The following TUT7 variants were observed in gnomAD, a reference collection of about 807,000 sequenced individuals.
TUT7 encodes terminal uridylyl transferase 7, also known as terminal uridylyltransferase 7.
Under a neutral mutation model 165.9 loss-of-function variants are expected in TUT7, and 33 were observed. That is an observed-to-expected ratio of 0.20 (90% CI 0.15 to 0.27). TUT7 has a LOEUF of 0.27. TUT7 is among the 10% of genes least tolerant of loss of function. The pLI, the probability that TUT7 is intolerant of heterozygous loss-of-function variation, is 1.00. For missense variants in TUT7, 1,338 were observed against 1,762.3 expected (o/e 0.76, Z 4.31); for synonymous variants, 552 against 608.1 (o/e 0.91, Z 1.36).
chr9:86,341,095 G>T, intron 6 of TUT7, 42 bp from the exon 7 acceptor site: 1 of 1,561,950 alleles, frequency 6.4e-7, no homozygotes, highest in Non-Finnish European at 8.8e-7. Flanking sequence ...ATTCCTAAGT[G>T]ATTTTGCTTC....
At chr9:86,293,433 G>A (rs1826044950) in intron 26 of TUT7, among the ~76,000 whole-genome samples, 1 of 152,072 alleles carries the variant, frequency 6.6e-6, no homozygotes, top group South Asian at 2.1e-4. Flanking sequence ...GCGACAGTGA[G>A]ACCCTGTCAA....
chr9:86,337,563 A>G (rs753243971), intron 9 of TUT7, 25 bp from the exon 10 acceptor site: 1 of 1,583,990 alleles, frequency 6.3e-7, no homozygotes, highest in Non-Finnish European at 8.6e-7. Context: ...AAAGAAAGTT[A>G]AGCATTCTTT....
chr9:86,344,854 T>C lies in TUT7; in HGVS notation c.997+123A>G, dbSNP rs144836198. ...CCAGGGAAAACAAAAAACAAAAAAA[T>C]AGAAAACACAAGAGCTTCATGACAT... On this transcript the variant is annotated intron_variant, in intron 5 of 26. Transcript: ENST00000375963. 28 of 993,342 alleles carry C rather than the reference T, an allele frequency of 2.8e-5. No individual in the cohort carries two copies. In the East Asian group the frequency reaches 5.1e-4, roughly 18 times the overall value. The allele number at this position is 993,342 out of a possible 1,614,324, so 61.5% of individuals were successfully genotyped here.
chr9:86,309,750 G>A (rs1233448050), intron 19 of TUT7, among the ~76,000 whole-genome samples, 174 bp from the exon 20 acceptor site: 2 of 152,226 alleles, frequency 1.3e-5, no homozygotes, highest in Non-Finnish European at 2.9e-5. Flanking sequence ...CTACGTGCAA[G>A]ATCAGGTCAT....
intron 11 of TUT7, among the ~76,000 whole-genome samples, chr9:86,326,028 T>C (rs1368471462): frequency 6.6e-6 from 1 of 152,228 alleles, no homozygotes; most frequent in Admixed American, 6.5e-5. Context: ...ACTCTTGCCA[T>C]CAGAAATTGA....
At position 86,327,127 on chromosome 9, in the gene TUT7, G is replaced by C. The variant is rs1411903961; in HGVS notation, c.1608+1213C>G. 2.0e-5 allele frequency among the ~76,000 whole-genome samples: 3 copies of C among 152,148 alleles called. No individual in the cohort carries two copies. In the East Asian group the frequency reaches 5.8e-4, roughly 29 times the overall value. ...GTCTAAGTCCCAAACACTACAGTTT[G>C]AGGACACAAATAAACCCCCCAGAAA... On this transcript the variant is annotated intron_variant, in intron 11 of 26. Transcript: ENST00000375963.
chr9:86,294,209 T>C (rs1332659163), intron 26 of TUT7, among the ~76,000 whole-genome samples: 1 of 148,926 alleles, frequency 6.7e-6, no homozygotes, highest in African/African-American at 2.5e-5. Flanking sequence ...ATTATTTATC[T>C]ACTTTACAAA....
At chr9:86,320,585 T>C (rs892645503) in intron 14 of TUT7, among the ~76,000 whole-genome samples, 1 of 152,234 alleles carries the variant, frequency 6.6e-6, no homozygotes, top group Non-Finnish European at 1.5e-5. Context: ...AGGGAGTGTG[T>C]AGTGTTATTC....
Position 86,308,530 on chromosome 9 carries a change from G to A in TUT7, c.3737C>T (p.Thr1246Ile), listed in dbSNP as rs1237388155. ...QLWLGLLRFY[T>I]EEFDFKEHVI... ...ATGTTCTTTAAAATCAAATTCCTCTGTGTAGAAACGAAGAAGGCCCAACCA... is the reference window on the plus strand; with the variant it reads ...ATGTTCTTTAAAATCAAATTCCTCTATGTAGAAACGAAGAAGGCCCAACCA... The change falls in exon 22 of 27, where the codon ACA (threonine) becomes ATA (isoleucine). Residue 1246 changes from threonine to isoleucine, a missense_variant. Thr to Ile is a moderately conservative substitution (Grantham distance 89). Transcript: ENST00000375963. The A allele has an allele frequency of 6.2e-7, 1 of 1,614,022 alleles. No homozygotes were observed.
At chr9:86,331,438 T>C (rs958163559) in intron 10 of TUT7, among the ~76,000 whole-genome samples, 2 of 152,214 alleles carry the variant, frequency 1.3e-5, no homozygotes, top group African/African-American at 4.8e-5. Context: ...CAGGTGTCAA[T>C]TGATGAAGGC....
At position 86,352,719 on chromosome 9, in the gene TUT7, T is replaced by A. The variant is rs142341283; in HGVS notation, c.481A>T (p.Ser161Cys). ...TCCATTTCTGACGTGGTTTCTAGGCTTGTTAGGTCTTTATGAAACAGTCGT... is the reference window on the plus strand; with the variant it reads ...TCCATTTCTGACGTGGTTTCTAGGCATGTTAGGTCTTTATGAAACAGTCGT... ...VRRLFHKDLT[S>C]LETTSEMEAG... The change falls in exon 2 of 27, where the codon AGC becomes TGC. Residue 161 changes from serine (S) to cysteine (C), a missense_variant. This residue lies in a region of TUT7 where 434 missense variants were observed against 480.8 expected (regional missense o/e 0.90). Transcript: ENST00000375963. The A allele has an allele frequency of 1.2e-5, 19 of 1,614,242 alleles. No homozygotes were observed. Among genetic ancestry groups the A allele is most frequent in the Admixed American group, 1.7e-5 (1 of 60,032 alleles).
intron 5 of TUT7, among the ~76,000 whole-genome samples, chr9:86,344,665 G>A (rs1288959083): frequency 6.7e-6 from 1 of 149,492 alleles, no homozygotes; most frequent in African/African-American, 2.5e-5. Flanking sequence ...AAAATATGGT[G>A]TCAATTTAGA....
At position 86,323,645 on chromosome 9, in the gene TUT7, T is replaced by G. The variant is rs747906637; in HGVS notation, c.2105A>C (p.Glu702Ala). 3 of 1,614,220 alleles carry G rather than the reference T, an allele frequency of 1.9e-6. No individual in the cohort carries two copies. In the East Asian group the frequency reaches 6.7e-5, roughly 36 times the overall value. ...VQPLTLKETA[E>A]SFGSPPKEEM... ...TTCTTTTGGTGGGCTTCCAAAACTT[T>G]CAGCAGTCTCTTTAAGAGTAAGTGG... The change falls in exon 13 of 27, where the codon GAA becomes GCA. Residue 702 changes from glutamate to alanine, a missense_variant. This residue lies in a region of TUT7 where 425 missense variants were observed against 474.9 expected (regional missense o/e 0.89). Coordinates refer to ENST00000375963, the MANE Select transcript of TUT7 (RefSeq NM_024617.4).
At chr9:86,319,258 G>T (rs1829008051) in intron 15 of TUT7, among the ~76,000 whole-genome samples, 200 bp from the exon 16 acceptor site, 1 of 152,098 alleles carries the variant, frequency 6.6e-6, no homozygotes, top group Admixed American at 6.6e-5. Context: ...GCTGTATATG[G>T]CAAGAAAGAT....
At chr9:86,320,308 T>G (rs565224471) in intron 14 of TUT7, among the ~76,000 whole-genome samples, 20 of 149,706 alleles carry the variant, frequency 1.3e-4, no homozygotes, top group African/African-American at 4.9e-4. Flanking sequence ...CTGACACGGA[T>G]GAACACCTTA....
intron 6 of TUT7, 49 bp downstream of exon 6, chr9:86,343,026 A>T (rs774682503): frequency 4.1e-6 from 5 of 1,220,940 alleles, no homozygotes; most frequent in Non-Finnish European, 6.0e-6. Context: ...TTTGTAAGAA[A>T]GAATTTCCAT....
chr9:86,312,720 G>A (rs1828297318), intron 17 of TUT7, among the ~76,000 whole-genome samples: 1 of 152,222 alleles, frequency 6.6e-6, no homozygotes, highest in Non-Finnish European at 1.5e-5. Context: ...TGCCGTGTCT[G>A]TGTAGAAAGA....
intron 2 of TUT7, among the ~76,000 whole-genome samples, chr9:86,346,979 A>G (rs1441410676): frequency 3.3e-5 from 5 of 152,196 alleles, no homozygotes; most frequent in African/African-American, 9.6e-5. Context: ...GTACCCCTGG[A>G]CAACTCAGAA....
intron 2 of TUT7, 29 bp downstream of exon 2, chr9:86,352,651 T>A (rs373721285): frequency 5.0e-6 from 8 of 1,613,344 alleles, no homozygotes; most frequent in Non-Finnish European, 4.2e-6. Context: ...GACTCTGGGG[T>A]TGTGATCTGA....
Sources: allele counts gnomAD v4.1 joint callset (sites outside exome capture counted in the v4.1 genomes callset), GRCh38; gene constraint gnomAD v4.1.1; regional missense constraint gnomAD v4.1.1; transcripts MANE v1.5; gene names NCBI Gene and HGNC (gene_info 2026-07-23, HGNC 2026-07-21).